KCNQ3: variants seen among roughly 807,000 people sequenced by gnomAD.
KCNQ3 encodes potassium voltage-gated channel subfamily KQT member 3.
Under a neutral mutation model 92.5 loss-of-function variants are expected in KCNQ3, and 30 were observed. The ratio of observed to expected loss-of-function variants is 0.32; its 90% CI spans 0.24 to 0.44. The LOEUF (loss-of-function observed/expected upper bound fraction) is 0.44, where lower values mean the gene tolerates loss of function less well. Ranked by LOEUF, KCNQ3 falls within the 20% of genes least tolerant of loss-of-function variation. The probability of loss-of-function intolerance (pLI) is 1.00; values close to 1 mark genes in which losing one functional copy is unlikely to be tolerated. For missense variants in KCNQ3, 913 were observed against 1,140.3 expected, an observed-to-expected ratio of 0.80 and a Z score of 2.87; for synonymous variants, 450 against 468.8, an observed-to-expected ratio of 0.96 and a Z score of 0.52.
At chr8:132,389,945 C>T (rs1368514735) in intron 1 of KCNQ3, among the ~76,000 whole-genome samples, 2 of 152,180 alleles carry the variant, frequency 1.3e-5, no homozygotes, top group East Asian at 1.9e-4. Flanking sequence ...AGCACACACG[C>T]ATGTATGTTC....
rs143370124 is a variant in KCNQ3 at position 132,341,362 on chromosome 8, G to A, written c.386+138785C>T. On this transcript the variant is annotated intron_variant, in intron 1 of 14. Transcript: ENST00000388996. ...ATGCAGCTGAAGGCACGTTTTCTCC[G>A]TCTCAAGAGGTTCCAGTCAAATGTC... Among the ~76,000 whole-genome samples the A allele has an allele frequency of 5.0e-3, 762 of 152,210 alleles. 6 individuals are homozygous for A. The highest frequency in any genetic ancestry group is 0.016 in the African/African-American group (673 of 41,516).
chr8:132,342,341 T>C (rs1438306835), intron 1 of KCNQ3, among the ~76,000 whole-genome samples: 2 of 151,658 alleles, frequency 1.3e-5, no homozygotes, highest in African/African-American at 4.9e-5. Context: ...TTAAGGCGCG[T>C]CATCCCCATT....
At chr8:132,334,480 C>G (rs1818312009) in intron 1 of KCNQ3, among the ~76,000 whole-genome samples, 1 of 152,150 alleles carries the variant, frequency 6.6e-6, no homozygotes, top group Non-Finnish European at 1.5e-5. Context: ...CAAATTCTTT[C>G]CTTAAGTAAG....
At chr8:132,147,603 AATGG>A (rs1201371102) in intron 9 of KCNQ3, among the ~76,000 whole-genome samples, 4 of 152,138 alleles carry the variant, frequency 2.6e-5, no homozygotes, top group African/African-American at 9.7e-5. Flanking sequence ...TAGAGAGATG[AATGG>A]ATGGATAAAT....
chr8:132,181,911 G>A (rs1156509282), intron 3 of KCNQ3, among the ~76,000 whole-genome samples: 1 of 152,068 alleles, frequency 6.6e-6, no homozygotes, highest in Admixed American at 6.5e-5. Context: ...TGGGCACGGT[G>A]GTGGGTGCCT....
intron 1 of KCNQ3, among the ~76,000 whole-genome samples, chr8:132,306,204 T>C (rs1346005963): frequency 6.6e-6 from 1 of 152,202 alleles, no homozygotes; most frequent in Admixed American, 6.6e-5. Flanking sequence ...GGTTCTCTCC[T>C]TCTCTCAAAT....
At chr8:132,162,235 G>A (rs1396263101) in intron 9 of KCNQ3, among the ~76,000 whole-genome samples, 5 of 152,210 alleles carry the variant, frequency 3.3e-5, no homozygotes, top group African/African-American at 1.2e-4. Flanking sequence ...ATATTTGAAT[G>A]CAGATTTCAA....
At chr8:132,446,254 C>T (rs1257642393) in intron 1 of KCNQ3, among the ~76,000 whole-genome samples, 2 of 152,202 alleles carry the variant, frequency 1.3e-5, no homozygotes, top group Non-Finnish European at 2.9e-5. Context: ...ACAATGCCTT[C>T]GTGGTGGCCA....
At chr8:132,338,121 C>G (rs1488175916) in intron 1 of KCNQ3, among the ~76,000 whole-genome samples, 1 of 152,174 alleles carries the variant, frequency 6.6e-6, no homozygotes, top group Non-Finnish European at 1.5e-5. Flanking sequence ...CTTCGGTGTG[C>G]TGGGCAGAGT....
chr8:132,480,619 G>A lies in KCNQ3; in HGVS notation c.-87C>T, dbSNP rs1196784425. 1 of 1,192,722 alleles carries A rather than the reference G, an allele frequency of 8.4e-7. No individual in the cohort carries two copies. The highest frequency in any genetic ancestry group is 1.1e-6 in the Non-Finnish European group (1 of 942,854). The allele number at this position is 1,192,722 out of a possible 1,614,324, so 73.9% of individuals were successfully genotyped here. A position where few individuals can be genotyped will look rare whatever the true frequency, so the allele number is the denominator to read the frequency against. On this transcript the variant is annotated 5_prime_UTR_variant, in exon 1 of 15. Coordinates refer to ENST00000388996, the MANE Select transcript of KCNQ3 (RefSeq NM_004519.4). Reference sequence around the variant, plus strand: ...CGGGGTGCGTGAACGAGGCGGCGGCGGCGGCTGCAAGCCCGGGAACTCCAA... The same window carrying A: ...CGGGGTGCGTGAACGAGGCGGCGGCAGCGGCTGCAAGCCCGGGAACTCCAA...
intron 1 of KCNQ3, among the ~76,000 whole-genome samples, chr8:132,247,429 C>T (rs1227600580): frequency 2.0e-5 from 3 of 152,184 alleles, no homozygotes; most frequent in Admixed American, 2.0e-4. Flanking sequence ...TTGTTATTAT[C>T]CCTTAACACA....
chr8:132,182,039 C>A (rs1187797085), intron 3 of KCNQ3, among the ~76,000 whole-genome samples: 1 of 145,322 alleles, frequency 6.9e-6, no homozygotes, highest in Non-Finnish European at 1.5e-5. Flanking sequence ...GAGCGAGACT[C>A]CGTCTCAAAA....
At chr8:132,308,398 GAGA>G (rs1817494525) in intron 1 of KCNQ3, among the ~76,000 whole-genome samples, 2 of 152,264 alleles carry the variant, frequency 1.3e-5, no homozygotes, top group South Asian at 4.1e-4. Context: ...GGGGAGCCCA[GAGA>G]AGAAGATAAC....
intron 1 of KCNQ3, among the ~76,000 whole-genome samples, chr8:132,269,690 C>G (rs1816093818): frequency 6.6e-6 from 1 of 152,194 alleles, no homozygotes; most frequent in Non-Finnish European, 1.5e-5. Flanking sequence ...ACTGCTGTGA[C>G]AGCTAGCATT....
At chr8:132,456,249 T>C (rs1017946737) in intron 1 of KCNQ3, among the ~76,000 whole-genome samples, 2 of 152,100 alleles carry the variant, frequency 1.3e-5, no homozygotes, top group East Asian at 3.9e-4. Flanking sequence ...CCAACCAAAG[T>C]GGCCAGGCTT....
intron 1 of KCNQ3, among the ~76,000 whole-genome samples, chr8:132,280,252 G>A (rs767474980): frequency 2.6e-5 from 4 of 152,110 alleles, no homozygotes; most frequent in Non-Finnish European, 4.4e-5. Flanking sequence ...CCATTCTTGC[G>A]CTGCTATAAA....
chr8:132,396,716 T>C (rs1273280906), intron 1 of KCNQ3, among the ~76,000 whole-genome samples: 1 of 152,150 alleles, frequency 6.6e-6, no homozygotes, highest in Non-Finnish European at 1.5e-5. Context: ...TCTGAAGGGA[T>C]TCTGCTATCG....
At chr8:132,163,013 C>T (rs907514852) in intron 9 of KCNQ3, among the ~76,000 whole-genome samples, 2 of 152,140 alleles carry the variant, frequency 1.3e-5, no homozygotes, top group African/African-American at 2.4e-5. Flanking sequence ...ATTACAGTCT[C>T]GAGTCAACTT....
At chr8:132,404,316 G>C (rs1820423931) in intron 1 of KCNQ3, among the ~76,000 whole-genome samples, 1 of 152,110 alleles carries the variant, frequency 6.6e-6, no homozygotes, top group South Asian at 2.1e-4. Flanking sequence ...GAAGTTGGTT[G>C]GTCTTCTGAT....
Sources: allele counts gnomAD v4.1 joint callset (sites outside exome capture counted in the v4.1 genomes callset), GRCh38; gene constraint gnomAD v4.1.1; transcripts MANE v1.5; gene names NCBI Gene and HGNC (gene_info 2026-07-23, HGNC 2026-07-21).